Variants in CORO1C observed in about 807,000 individuals in gnomAD.
CORO1C encodes the protein coronin 1C, also known as coronin-1C.
CORO1C carries 14 observed loss-of-function variants against 51.2 expected under a neutral mutation model. That is an observed-to-expected ratio of 0.27 (90% CI 0.18 to 0.43). The LOEUF (loss-of-function observed/expected upper bound fraction) is 0.43, where lower values mean the gene tolerates loss of function less well. Among genes scored for constraint, CORO1C ranks in the 20% least tolerant of loss-of-function variants. CORO1C has a pLI of 1.00. For synonymous variants in CORO1C, 181 were observed against 210.5 expected (o/e 0.86, Z 1.21); for missense variants, 417 against 607.8 (o/e 0.69, Z 3.30).
In CORO1C at chr12:108,658,265, C is replaced by T. The variant is rs1453337685; in HGVS notation, c.630+473G>A. ...TTCACCATGTTGGCCAGGCTGGTCT[C>T]AAACTCCTGACCTCAAATGATCCAC... On this transcript the variant is annotated intron_variant, in intron 5 of 10. Coordinates refer to ENST00000261401, the MANE Select transcript of CORO1C (RefSeq NM_014325.4). This position sits in a 1 kb window ranked among gnomAD's most constrained non-coding sequence, Gnocchi z 4.9. Among the ~76,000 whole-genome samples the T allele has an allele frequency of 2.0e-5, 3 of 152,150 alleles. No individual in the cohort carries two copies. The highest frequency in any genetic ancestry group is 4.4e-5 in the Non-Finnish European group (3 of 67,992).
At chr12:108,648,370 G>A (rs541110298) in intron 10 of CORO1C, among the ~76,000 whole-genome samples, 23 of 152,202 alleles carry the variant, frequency 1.5e-4, no homozygotes, top group African/African-American at 5.5e-4. Context: ...GGTGGTCTGT[G>A]GCCACACTTG....
intron 2 of CORO1C, among the ~76,000 whole-genome samples, chr12:108,696,933 A>G (rs1404690289): frequency 1.3e-5 from 2 of 152,168 alleles, no homozygotes; most frequent in African/African-American, 4.8e-5. Flanking sequence ...CTCATAAACC[A>G]TATGCTTAAA....
At chr12:108,694,552 G>C (rs764703461) in intron 2 of CORO1C, among the ~76,000 whole-genome samples, 4 of 151,962 alleles carry the variant, frequency 2.6e-5, no homozygotes, top group Non-Finnish European at 4.4e-5. Context: ...ATCACTTTTA[G>C]TCCCATCAAT....
chr12:108,689,178 C>CA (rs879424043), intron 2 of CORO1C, among the ~76,000 whole-genome samples: 17 of 152,072 alleles, frequency 1.1e-4, no homozygotes, highest in Middle Eastern at 3.2e-3. Context: ...CCAGCCTGGG[C>CA]AACAGAGCGA....
intron 2 of CORO1C, among the ~76,000 whole-genome samples, chr12:108,684,464 G>A (rs148182762): frequency 3.7e-4 from 56 of 152,118 alleles, no homozygotes; most frequent in African/African-American, 1.2e-3. Context: ...TTGTACAAGA[G>A]GAATATTTAT....
intron 2 of CORO1C, among the ~76,000 whole-genome samples, chr12:108,687,378 T>C (rs2034331001): frequency 6.6e-6 from 1 of 152,080 alleles, no homozygotes; most frequent in African/African-American, 2.4e-5. Flanking sequence ...TCCCAGCTAC[T>C]TGGGAGGCTG....
At chr12:108,659,404 A>G (rs533464598) in intron 4 of CORO1C, among the ~76,000 whole-genome samples, 1 of 152,374 alleles carries the variant, frequency 6.6e-6, no homozygotes, top group South Asian at 2.1e-4. Context: ...CCTGCTATAC[A>G]ATTAGTACAT....
chr12:108,659,071 A>C, intron 4 of CORO1C, 152 bp from the exon 5 acceptor site: 1 of 762,354 alleles, frequency 1.3e-6, no homozygotes, highest in Non-Finnish European at 1.9e-6. Context: ...TGATTGTCAG[A>C]GGCCCTACCA....
rs1390538993 is a variant in CORO1C, at chr12:108,662,892, T to G, written c.319-734A>C. Among the ~76,000 whole-genome samples, 4 of 152,234 alleles carry G rather than the reference T, an allele frequency of 2.6e-5. No individual in the cohort carries two copies. In the East Asian group the frequency reaches 7.7e-4, roughly 29 times the overall value. ...CTATGAAGAAAGTGAAAAAACAACC[T>G]GCAGAATGGGAGAAAATAACTTACA... On this transcript the variant is annotated intron_variant, in intron 3 of 10. Coordinates refer to ENST00000261401, the MANE Select transcript of CORO1C (RefSeq NM_014325.4).
In CORO1C at chr12:108,645,867, G is replaced by T. The variant is rs1024938724; in HGVS notation, c.*1536C>A. On this transcript the variant is annotated 3_prime_UTR_variant, in exon 11 of 11. Transcript: ENST00000261401. ...CACAGACAGCCCTTCCAAAACAGAGGCTCCTTAAATCTTGTTTCCCAAGCA... is the reference window on the plus strand; with the variant it reads ...CACAGACAGCCCTTCCAAAACAGAGTCTCCTTAAATCTTGTTTCCCAAGCA... 3 of 152,186 alleles carry T rather than the reference G, an allele frequency of 2.0e-5. No homozygotes were observed. The highest frequency in any genetic ancestry group is 7.2e-5 in the African/African-American group (3 of 41,440). 9.4% of individuals were successfully genotyped at this position (152,186 alleles called of 1,614,324 possible). A position where few individuals can be genotyped will look rare whatever the true frequency, so the allele number is the denominator to read the frequency against.
chr12:108,683,836 G>A (rs1592898875), intron 2 of CORO1C, among the ~76,000 whole-genome samples: 1 of 152,096 alleles, frequency 6.6e-6, no homozygotes, highest in Non-Finnish European at 1.5e-5. Flanking sequence ...TCAAGGAAGA[G>A]ATCATTTCAA....
chr12:108,704,684 TC>T (rs1262433107), intron 1 of CORO1C, among the ~76,000 whole-genome samples: 1 of 152,198 alleles, frequency 6.6e-6, no homozygotes, highest in African/African-American at 2.4e-5. Flanking sequence ...CCCATTCACT[TC>T]CAAGGTCAAA....
chr12:108,716,142 A>G (rs1000854821), intron 1 of CORO1C, among the ~76,000 whole-genome samples: 7 of 150,884 alleles, frequency 4.6e-5, no homozygotes, highest in Non-Finnish European at 1.0e-4. Context: ...AAAAAAAAAA[A>G]AAAAAAAAAA....
Position 108,657,154 on chromosome 12 carries a change from G to A in CORO1C, c.750+150C>T, listed in dbSNP as rs936450344. 2.1e-5 allele frequency: 21 copies of A among 980,728 alleles called. No individual in the cohort carries two copies. In the Admixed American group the frequency reaches 2.3e-4, roughly 11 times the overall value. The allele number at this position is 980,728 out of a possible 1,614,324, so 60.8% of individuals were successfully genotyped here. ...ATACATTTACCAGTAAGTCTCCAAC[G>A]AGGATAAGAACTTCACATCCAATCT... On this transcript the variant is annotated intron_variant, in intron 6 of 10. Transcript: ENST00000261401.
intron 1 of CORO1C, among the ~76,000 whole-genome samples, chr12:108,705,199 C>T (rs1169732573): frequency 6.6e-6 from 1 of 152,082 alleles, no homozygotes; most frequent in African/African-American, 2.4e-5. Context: ...AGAATGTAGG[C>T]CGGGCATGGT....
intron 2 of CORO1C, among the ~76,000 whole-genome samples, chr12:108,693,426 C>G (rs17040877): frequency 0.071 from 10,873 of 152,142 alleles, 609 homozygotes; most frequent in East Asian, 0.32. Context: ...ATGATACAAA[C>G]GAAAGACGCC....
rs541892862 is a variant in CORO1C at position 108,718,963 on chromosome 12, G to A, written c.-6+12466C>T. ...ATAAAATGAAAATATCTCTAGGGAA[G>A]TGAAGACAAATAAACACGGCCCACT... On this transcript the variant is annotated intron_variant, in intron 1 of 10. Coordinates refer to ENST00000261401, the MANE Select transcript of CORO1C (RefSeq NM_014325.4). Among the ~76,000 whole-genome samples, 10 of 152,304 alleles carry A rather than the reference G, an allele frequency of 6.6e-5. No individual in the cohort carries two copies. The South Asian group carries it at 1.9e-3, about 28-fold the overall frequency.
At chr12:108,684,485 T>C (rs2034233107) in intron 2 of CORO1C, among the ~76,000 whole-genome samples, 1 of 152,176 alleles carries the variant, frequency 6.6e-6, no homozygotes, top group African/African-American at 2.4e-5. Flanking sequence ...TGCCGCATTG[T>C]TGGAAATAGT....
chr12:108,668,290 T>C (rs1171168238), intron 3 of CORO1C, among the ~76,000 whole-genome samples: 3 of 151,902 alleles, frequency 2.0e-5, no homozygotes, highest in Non-Finnish European at 1.5e-5. Flanking sequence ...AAGAACCGAG[T>C]GTTGGGTTCC....
Sources: allele counts gnomAD v4.1 joint callset (sites outside exome capture counted in the v4.1 genomes callset), GRCh38; gene constraint gnomAD v4.1.1; non-coding constraint Gnocchi (gnomAD v3.1); transcripts MANE v1.5; gene names NCBI Gene and HGNC (gene_info 2026-07-23, HGNC 2026-07-21).